Variants in ZNF609 observed in about 807,000 individuals in gnomAD.
ZNF609 encodes zinc finger protein 609.
Under a neutral mutation model 109.5 loss-of-function variants are expected in ZNF609, and 11 were observed. The observed-to-expected ratio is 0.10, with a 90% CI of 0.06 to 0.17. The LOEUF (loss-of-function observed/expected upper bound fraction) is 0.17. Ranked by LOEUF, ZNF609 falls within the 10% of genes least tolerant of loss-of-function variation. The pLI, the probability that ZNF609 is intolerant of heterozygous loss-of-function variation, is 1.00. For missense variants in ZNF609, 1,559 were observed against 1,772.4 expected (o/e 0.88, Z 2.16); for synonymous variants, 646 against 662.0 (o/e 0.98, Z 0.37).
At chr15:64,478,927 T>C (rs1893210518) in intron 1 of ZNF609, among the ~76,000 whole-genome samples, 1 of 152,228 alleles carries the variant, frequency 6.6e-6, no homozygotes, top group African/African-American at 2.4e-5. Context: ...GTTGTTGTTT[T>C]CTTTAGTGGT....
intron 1 of ZNF609, among the ~76,000 whole-genome samples, chr15:64,467,469 T>G (rs773802323): frequency 6.6e-6 from 1 of 152,266 alleles, no homozygotes; most frequent in Admixed American, 6.5e-5. Context: ...CAAGTGTCAC[T>G]GTGGCCTGCT....
At chr15:64,463,451 C>A (rs1892971704) in intron 1 of ZNF609, among the ~76,000 whole-genome samples, 1 of 150,106 alleles carries the variant, frequency 6.7e-6, no homozygotes, top group Non-Finnish European at 1.5e-5. Context: ...CCATTTAGGA[C>A]ATTAAATACA....
intron 2 of ZNF609, among the ~76,000 whole-genome samples, chr15:64,612,331 A>G (rs1341998026): frequency 2.0e-5 from 3 of 148,614 alleles, no homozygotes; most frequent in African/African-American, 7.5e-5. Context: ...TTGTATTTTT[A>G]GTGGAGATGG....
At chr15:64,663,983 C>T (rs1260196254) in intron 3 of ZNF609, among the ~76,000 whole-genome samples, 2 of 152,282 alleles carry the variant, frequency 1.3e-5, no homozygotes, top group South Asian at 2.1e-4. Context: ...AATCCCAGCA[C>T]TTTGGGAGCC....
intron 2 of ZNF609, among the ~76,000 whole-genome samples, chr15:64,552,383 T>C (rs757013211): frequency 3.3e-5 from 5 of 152,188 alleles, no homozygotes; most frequent in Non-Finnish European, 7.3e-5. Context: ...TTTGGTTTTT[T>C]GTTTTTGAGA....
rs374540102 is a variant in ZNF609, at chr15:64,560,884, A to G, written c.747+60718A>G. ...ATACGAACCTGTGAACTTCAGTGAG[A>G]AAAACAGCATCTTTATATTTTTGAG... is the stretch of plus-strand genomic sequence containing the variant. On this transcript the variant is annotated intron_variant, in intron 2 of 9. Transcript: ENST00000326648. 2.0e-5 allele frequency among the ~76,000 whole-genome samples: 3 copies of G among 152,202 alleles called. No homozygotes were observed. The East Asian group carries it at 5.8e-4, about 29-fold the overall frequency.
chr15:64,507,703 G>A (rs1893657240), intron 2 of ZNF609, among the ~76,000 whole-genome samples: 1 of 152,160 alleles, frequency 6.6e-6, no homozygotes, highest in Non-Finnish European at 1.5e-5. Flanking sequence ...GTGTGTATGA[G>A]CATGTTGTAT....
intron 3 of ZNF609, among the ~76,000 whole-genome samples, chr15:64,636,933 CAT>C (rs1896185307): frequency 1.3e-5 from 2 of 152,178 alleles, no homozygotes; most frequent in African/African-American, 4.8e-5. Flanking sequence ...ATAATATAAA[CAT>C]GTACGCAAAT....
chr15:64,561,281 A>G (rs1385637277), intron 2 of ZNF609, among the ~76,000 whole-genome samples: 2 of 151,922 alleles, frequency 1.3e-5, no homozygotes, highest in African/African-American at 4.8e-5. Context: ...TGATATTGTC[A>G]TCTTGTTTGT....
At chr15:64,511,603 T>G (rs1893732061) in intron 2 of ZNF609, among the ~76,000 whole-genome samples, 1 of 152,152 alleles carries the variant, frequency 6.6e-6, no homozygotes, top group Admixed American at 6.5e-5. Context: ...TTGCAGAGTT[T>G]CTTGGTCGTG....
intron 3 of ZNF609, among the ~76,000 whole-genome samples, chr15:64,667,533 A>T (rs1053075937): frequency 6.6e-6 from 1 of 151,706 alleles, no homozygotes; most frequent in African/African-American, 2.4e-5. Flanking sequence ...ACATGGTGAA[A>T]CCCTGTCTCT....
intron 3 of ZNF609, among the ~76,000 whole-genome samples, chr15:64,644,178 A>T (rs999130810): frequency 6.6e-6 from 1 of 151,858 alleles, no homozygotes; most frequent in Non-Finnish European, 1.5e-5. Flanking sequence ...TCCAAGACAA[A>T]TTTTTTTTAA....
intron 3 of ZNF609, among the ~76,000 whole-genome samples, chr15:64,648,894 T>G (rs1896374230): frequency 6.6e-6 from 1 of 152,158 alleles, no homozygotes; most frequent in Non-Finnish European, 1.5e-5. Flanking sequence ...AATCTTACTT[T>G]AGTGGCCAGA....
intron 2 of ZNF609, among the ~76,000 whole-genome samples, chr15:64,541,653 A>G (rs1894265106): frequency 6.6e-6 from 1 of 151,270 alleles, no homozygotes; most frequent in Non-Finnish European, 1.5e-5. Flanking sequence ...ATCCTGGCTA[A>G]CACAGTGAAA....
chr15:64,655,682 T>C (rs1896479070), intron 3 of ZNF609, among the ~76,000 whole-genome samples: 1 of 150,816 alleles, frequency 6.6e-6, no homozygotes, highest in Non-Finnish European at 1.5e-5. Flanking sequence ...CAAAAAAAAT[T>C]AGCTGGGCAT....
intron 2 of ZNF609, among the ~76,000 whole-genome samples, chr15:64,547,533 C>G (rs142137622): frequency 6.6e-6 from 1 of 152,248 alleles, no homozygotes; most frequent in African/African-American, 2.4e-5. Context: ...GGAAAGTAGG[C>G]CCTGTGCTCT....
chr15:64,625,776 C>T (rs559531252), intron 3 of ZNF609, among the ~76,000 whole-genome samples: 2 of 147,404 alleles, frequency 1.4e-5, no homozygotes, highest in Non-Finnish European at 3.0e-5. Flanking sequence ...GTAGTCCCAG[C>T]TACTCGGGAG....
intron 3 of ZNF609, among the ~76,000 whole-genome samples, chr15:64,625,541 T>C (rs1029296610): frequency 6.6e-6 from 1 of 152,006 alleles, no homozygotes; most frequent in Non-Finnish European, 1.5e-5. Flanking sequence ...ATATATTTGT[T>C]TGAATGAAGG....
intron 1 of ZNF609, among the ~76,000 whole-genome samples, chr15:64,466,241 A>AT (rs1441027605): frequency 6.6e-6 from 1 of 151,536 alleles, no homozygotes; most frequent in African/African-American, 2.4e-5. Flanking sequence ...TGTTAATATG[A>AT]TTTTCTCTTT....
Sources: allele counts gnomAD v4.1 joint callset (sites outside exome capture counted in the v4.1 genomes callset), GRCh38; gene constraint gnomAD v4.1.1; transcripts MANE v1.5; gene names NCBI Gene and HGNC (gene_info 2026-07-23, HGNC 2026-07-21).